Variants in MCF2L observed in about 807,000 individuals in gnomAD.
MCF2L encodes MCF.2 cell line derived transforming sequence like.
In MCF2L, 97 loss-of-function variants were observed where a neutral mutation model predicts 153.4. The observed-to-expected ratio is 0.63, with a 90% CI of 0.54 to 0.75. The LOEUF is 0.75. Among genes scored for constraint, MCF2L ranks in the 30% least tolerant of loss-of-function variants. MCF2L has a pLI of 0.00. For synonymous variants in MCF2L, 659 were observed against 632.2 expected (o/e 1.04, Z -0.64); for missense variants, 1,347 against 1,495.2 (o/e 0.90, Z 1.64).
At chr13:113,056,787 ACTGAGTGTTTG>A (rs2029937269) in intron 4 of MCF2L, among the ~76,000 whole-genome samples, 5 of 77,130 alleles carry the variant, frequency 6.5e-5, no homozygotes, top group African/African-American at 3.4e-4. Context: ...GTGTTTTGGC[ACTGAGTGTTTG>A]GGTGCTGTGT....
rs142700359 is a variant in MCF2L, at chr13:112,974,927, G to A, written c.79+5469G>A. Among the ~76,000 whole-genome samples the A allele has an allele frequency of 2.2e-4, 33 of 152,254 alleles. No individual in the cohort carries two copies. In the East Asian group the frequency reaches 3.3e-3, roughly 15 times the overall value. On this transcript the variant is annotated intron_variant, in intron 1 of 29. Transcript: ENST00000535094. ...TATGGAAAGCTCGGCTGCCTTTTCC[G>A]TGTGTTTCGTTTCCTCCGCCGCCTA... is the stretch of plus-strand genomic sequence containing the variant.
chr13:113,050,675 G>C (rs576362909), intron 4 of MCF2L, among the ~76,000 whole-genome samples: 27,562 of 74,282 alleles, frequency 0.37, 6,450 homozygotes, highest in South Asian at 0.49. Context: ...GGCGGTGGAG[G>C]GGGGGGTGGC....
At position 112,969,540 on chromosome 13, in the gene MCF2L, T is replaced by C; in HGVS notation, c.79+82T>C. 2 of 1,535,032 alleles carry C rather than the reference T, an allele frequency of 1.3e-6. No individual in the cohort carries two copies. Among genetic ancestry groups the C allele is most frequent in the East Asian group, 5.0e-5 (2 of 40,226 alleles). ...AAATGTGGGGAAATGCGTCTGATTT[T>C]TGTAAGCCGCCCTCGTGTTCCTTTC... On this transcript the variant is annotated intron_variant, in intron 1 of 29. Coordinates refer to ENST00000535094, the MANE Select transcript of MCF2L (RefSeq NM_001112732.3). The surrounding 1 kb of genome is among the most constrained non-coding windows in gnomAD (Gnocchi z 4.8).
At chr13:112,972,622 A>C (rs80218215) in intron 1 of MCF2L, among the ~76,000 whole-genome samples, 1 of 146,522 alleles carries the variant, frequency 6.8e-6, no homozygotes, top group Non-Finnish European at 1.5e-5. Flanking sequence ...GAGTGGATGG[A>C]TGGATGGATG....
At chr13:113,018,049 C>T (rs959974636) in intron 2 of MCF2L, among the ~76,000 whole-genome samples, 3 of 152,230 alleles carry the variant, frequency 2.0e-5, no homozygotes, top group African/African-American at 7.2e-5. Flanking sequence ...TGTGCGGTCC[C>T]GTCTTCTCCC....
chr13:112,978,155 A>G (rs1175113848), intron 1 of MCF2L, among the ~76,000 whole-genome samples: 1 of 152,234 alleles, frequency 6.6e-6, no homozygotes, highest in African/African-American at 2.4e-5. Flanking sequence ...CCCCATTTTC[A>G]TGTGAGTCAG....
chr13:112,962,289 G>A (rs545537481), intron 2 of MCF2L, among the ~76,000 whole-genome samples: 242 of 151,928 alleles, frequency 1.6e-3, no homozygotes, highest in Non-Finnish European at 2.2e-3. Flanking sequence ...GCTCACACAC[G>A]CATGTACACA....
chr13:113,000,922 T>C (rs2141043740), intron 1 of MCF2L, among the ~76,000 whole-genome samples: 1 of 152,210 alleles, frequency 6.6e-6, no homozygotes, highest in South Asian at 2.1e-4. Flanking sequence ...GGGTGTGATA[T>C]TCTCAGGAGA....
chr13:113,052,652 T>C (rs2087430043), intron 4 of MCF2L: 1 of 157,664 alleles, frequency 6.3e-6, no homozygotes, highest in African/African-American at 2.4e-5. Context: ...CGTGTCTTTT[T>C]CCTCTCAACT....
rs2031230067 is a variant in MCF2L, at chr13:113,060,597, C to T, written c.374C>T (p.Ser125Phe). 1.2e-6 allele frequency: 2 copies of T among 1,613,064 alleles called. No individual in the cohort carries two copies. Among genetic ancestry groups the T allele is most frequent in the South Asian group, 2.2e-5 (2 of 91,086 alleles). Residue 125 changes from serine to phenylalanine, a missense_variant, in exon 5 of 30, where the codon TCT (serine) becomes TTT (phenylalanine). Around this residue, in one of 3 missense-constraint regions of MCF2L, gnomAD observed 820 missense variants for 921.2 expected, o/e 0.89. Coordinates refer to ENST00000535094, the MANE Select transcript of MCF2L (RefSeq NM_001112732.3). ...VKASVLRIAA[S>F]FPANLQLVLV... is the part of the protein sequence containing the mutation. ...GTCTCTCGCCCTCTCTCACAGGCATCTTTCCCGGCAAACCTGCAGCTCGTC... is the reference window on the plus strand; with the variant it reads ...GTCTCTCGCCCTCTCTCACAGGCATTTTTCCCGGCAAACCTGCAGCTCGTC...
chr13:112,915,235 C>T (rs189962047), intron 2 of MCF2L, among the ~76,000 whole-genome samples: 68 of 151,794 alleles, frequency 4.5e-4, no homozygotes, highest in African/African-American at 1.6e-3. Flanking sequence ...CGGTGAAATC[C>T]TATCTCTACT....
chr13:112,976,691 C>T (rs1454722488), intron 1 of MCF2L, among the ~76,000 whole-genome samples: 5 of 152,212 alleles, frequency 3.3e-5, no homozygotes, highest in African/African-American at 9.6e-5. Context: ...CCTTCCCTGG[C>T]GGGTCCCGGG....
intron 1 of MCF2L, among the ~76,000 whole-genome samples, chr13:112,901,672 A>G (rs1216023239): frequency 6.6e-6 from 1 of 152,234 alleles, no homozygotes; most frequent in Non-Finnish European, 1.5e-5. Flanking sequence ...GATTCTTCCC[A>G]AAAACTTCGT....
intron 1 of MCF2L, among the ~76,000 whole-genome samples, chr13:112,984,395 T>C (rs2317141): frequency 0.89 from 135,867 of 152,116 alleles, 61,462 homozygotes; most frequent in Non-Finnish European, 0.98. Context: ...CCACCGCACC[T>C]GGCTAATTTT....
At chr13:113,001,322 A>G (rs3742239) in intron 1 of MCF2L, 33,219 of 152,278 alleles carry the variant, frequency 0.22, 3,954 homozygotes, top group Non-Finnish European at 0.26. Flanking sequence ...GCTGCCTCCC[A>G]GGCACTCAAA....
In MCF2L at chr13:113,075,054, C is replaced by G. The variant is rs139530619; in HGVS notation, c.1173C>G (p.Asn391Lys). Reference sequence around the variant, plus strand: ...TGGACGGCGAGCAGCTCATTGGGAACAAGCACTACGCGGTAGACTCCATCC... The same window carrying G: ...TGGACGGCGAGCAGCTCATTGGGAAGAAGCACTACGCGGTAGACTCCATCC... ...LSLDGEQLIG[N>K]KHYAVDSIRP... Residue 391 changes from asparagine to lysine, a missense_variant, in exon 11 of 30, where the codon AAC becomes AAG. Around this residue, in one of 3 missense-constraint regions of MCF2L, gnomAD observed 820 missense variants for 921.2 expected, o/e 0.89. Transcript: ENST00000535094. 4.0e-5 allele frequency: 65 copies of G among 1,613,502 alleles called. No individual in the cohort carries two copies. Among genetic ancestry groups the G allele is most frequent in the Non-Finnish European group, 5.4e-5 (64 of 1,179,682 alleles).
At chr13:113,085,364 C>T (rs370049026) in intron 20 of MCF2L, among the ~76,000 whole-genome samples, 186 bp downstream of exon 20, 12 of 152,302 alleles carry the variant, frequency 7.9e-5, no homozygotes, top group African/African-American at 2.2e-4. Flanking sequence ...GGTCTGAGGA[C>T]GCAGGTGAGC....
intron 2 of MCF2L, among the ~76,000 whole-genome samples, chr13:112,954,808 A>G (rs2081737734): frequency 6.6e-6 from 1 of 152,134 alleles, no homozygotes; most frequent in Non-Finnish European, 1.5e-5. Context: ...GAAAAGAGAA[A>G]AGCAATCCTG....
At chr13:113,041,516 A>C (rs981364806) in intron 3 of MCF2L, among the ~76,000 whole-genome samples, 1 of 150,770 alleles carries the variant, frequency 6.6e-6, no homozygotes, top group African/African-American at 2.4e-5. Flanking sequence ...CCATGACCAC[A>C]GTCAGTATGG....
Sources: allele counts gnomAD v4.1 joint callset (sites outside exome capture counted in the v4.1 genomes callset), GRCh38; gene constraint gnomAD v4.1.1; regional missense constraint gnomAD v4.1.1; non-coding constraint Gnocchi (gnomAD v3.1); transcripts MANE v1.5; gene names NCBI Gene and HGNC (gene_info 2026-07-23, HGNC 2026-07-21).